MCM9: variants seen among roughly 807,000 people sequenced by gnomAD.
The protein encoded by MCM9 is minichromosome maintenance 9 homologous recombination repair factor, also known as DNA helicase MCM9.
Under a neutral mutation model 72.8 loss-of-function variants are expected in MCM9, and 55 were observed. That is an observed-to-expected ratio of 0.76 (90% CI 0.61 to 0.95). The LOEUF (loss-of-function observed/expected upper bound fraction) is 0.95, where lower values mean the gene tolerates loss of function less well. MCM9 is among the 40% of genes least tolerant of loss of function. MCM9 has a pLI of 0.00. For missense variants in MCM9, 1,279 were observed against 1,377.0 expected, an observed-to-expected ratio of 0.93 and a Z score of 1.13; for synonymous variants, 480 against 503.4, an observed-to-expected ratio of 0.95 and a Z score of 0.62.
At chr6:118,827,596 A>T (rs1053789491) in intron 11 of MCM9, among the ~76,000 whole-genome samples, 7 of 152,166 alleles carry the variant, frequency 4.6e-5, no homozygotes, top group Non-Finnish European at 7.4e-5. Context: ...TCCAAACAAG[A>T]AACTGTCCTA....
At chr6:118,854,235 C>T (rs978614396) in intron 9 of MCM9, among the ~76,000 whole-genome samples, 4 of 152,128 alleles carry the variant, frequency 2.6e-5, no homozygotes, top group South Asian at 2.1e-4. Context: ...ACTAAACTGA[C>T]CATACTTCTA....
intron 13 of MCM9, among the ~76,000 whole-genome samples, chr6:118,822,671 C>A (rs955665541): frequency 1.8e-4 from 28 of 152,198 alleles, no homozygotes; most frequent in African/African-American, 6.5e-4. Context: ...GGATCAGCTG[C>A]TCTCTTCAGA....
At chr6:118,856,689 G>A (rs1176687123) in intron 8 of MCM9, 144 bp from the exon 9 acceptor site, 3 of 822,914 alleles carry the variant, frequency 3.6e-6, no homozygotes, top group African/African-American at 1.7e-5. Context: ...GGCCTGCCTG[G>A]ACAACATGGC....
intron 8 of MCM9, among the ~76,000 whole-genome samples, chr6:118,873,443 G>A (rs1175672759): frequency 6.6e-6 from 1 of 152,056 alleles, no homozygotes; most frequent in Non-Finnish European, 1.5e-5. Flanking sequence ...TATTAGAAAT[G>A]AAAGAACCTC....
At chr6:118,857,426 T>C (rs1165442724) in intron 8 of MCM9, among the ~76,000 whole-genome samples, 3 of 152,054 alleles carry the variant, frequency 2.0e-5, no homozygotes, top group Non-Finnish European at 4.4e-5. Flanking sequence ...ATTCTAGCTG[T>C]TGAATTATAG....
rs1491542240 is a variant in MCM9, at chr6:118,843,655, T to TATATACACACGTATATATATATATATAC, written c.1325+12715_1325+12716insGTATATATATATATATACGTGTGTATAT. ...ACAAAACAAAACATATATATATATATGTGTATATATATATGTATGTATATA... is the reference window on the plus strand; with the variant it reads ...ACAAAACAAAACATATATATATATATATATACACACGTATATATATATATATACGTGTATATATATATGTATGTATATA... On this transcript the variant is annotated intron_variant, in intron 9 of 13. Coordinates refer to ENST00000619706, the MANE Select transcript of MCM9 (RefSeq NM_017696.3). Among the ~76,000 whole-genome samples, 7 of 38,614 alleles carry TATATACACACGTATATATATATATATAC rather than the reference T, an allele frequency of 1.8e-4. 1 individual carries two copies. The highest frequency in any genetic ancestry group is 7.8e-4 in the Admixed American group (2 of 2,560). 25.3% of individuals were successfully genotyped at this position (38,614 alleles called of 152,430 possible). A position where few individuals can be genotyped will look rare whatever the true frequency, so the allele number is the denominator to read the frequency against.
At chr6:118,907,280 C>T in intron 8 of MCM9, 1 of 652,846 alleles carries the variant, frequency 1.5e-6, no homozygotes, top group Non-Finnish European at 2.7e-6. Context: ...TGAATTATAC[C>T]TTTGTATATG....
intron 8 of MCM9, among the ~76,000 whole-genome samples, chr6:118,857,774 T>C (rs1776656617): frequency 6.6e-6 from 1 of 151,798 alleles, no homozygotes; most frequent in Non-Finnish European, 1.5e-5. Flanking sequence ...CTTAACAAAA[T>C]AGTCAAATTT....
chr6:118,865,720 T>C (rs1777176127), intron 8 of MCM9, among the ~76,000 whole-genome samples: 1 of 152,172 alleles, frequency 6.6e-6, no homozygotes, highest in Non-Finnish European at 1.5e-5. Flanking sequence ...TCCCCCATTC[T>C]ACGTGAAAAA....
intron 9 of MCM9, among the ~76,000 whole-genome samples, chr6:118,835,111 T>C (rs1401375955): frequency 1.3e-5 from 2 of 152,226 alleles, no homozygotes; most frequent in African/African-American, 4.8e-5. Context: ...GAGGAATAAT[T>C]TCCCCATTGC....
rs1774201444 is a variant in MCM9, at chr6:118,826,840, T to TC, written c.1756dup (p.Asp586GlyfsTer37). 6.5e-7 allele frequency: 1 copy of TC among 1,550,244 alleles called. No homozygotes were observed. The highest frequency in any genetic ancestry group is 8.7e-7 in the Non-Finnish European group (1 of 1,146,926). On this transcript the variant is annotated frameshift_variant, in exon 12 of 14. Transcript: ENST00000619706. LOFTEE classifies it high-confidence loss of function. ...AATAGCGTCTTCCAGAGTTACAGTA[T>TC]CACGAAACATCAGGCGAGCATGAGC... is the stretch of plus-strand genomic sequence containing the variant.
At position 118,931,435 on chromosome 6, in the gene MCM9, G is replaced by T; in HGVS notation, c.289C>A (p.His97Asn). The T allele has an allele frequency of 6.2e-7, 1 of 1,610,132 alleles. No individual in the cohort carries two copies. Among genetic ancestry groups the T allele is most frequent in the Middle Eastern group, 1.7e-4 (1 of 6,042 alleles). Reference protein sequence around the residue: ...PEAVSMKQNLHARISGLPVCP... With the variant: ...PEAVSMKQNLNARISGLPVCP... ...AGTGATTTACCTGATATCCTGGCAT[G>T]AAGATTCTGTTTCATGGAAACAGCC... Residue 97 changes from histidine (H) to asparagine (N), a missense_variant, in exon 3 of 14, where the codon CAT (histidine) becomes AAT (asparagine). Physicochemically the swap from His to Asn is moderately conservative, Grantham distance 68. Transcript: ENST00000619706.
chr6:118,922,357 A>G (rs557866118), intron 4 of MCM9, among the ~76,000 whole-genome samples: 1 of 152,184 alleles, frequency 6.6e-6, no homozygotes, highest in Admixed American at 6.5e-5. Flanking sequence ...CCAACTACTA[A>G]ATTTAATAAC....
chr6:118,896,207 A>G (rs1047330428), intron 8 of MCM9, among the ~76,000 whole-genome samples: 10 of 152,106 alleles, frequency 6.6e-5, no homozygotes, highest in African/African-American at 9.7e-5. Context: ...CTCCTATGAT[A>G]CTACTATTAA....
At chr6:118,826,633 A>G in intron 12 of MCM9, 149 bp downstream of exon 12, 1 of 653,344 alleles carries the variant, frequency 1.5e-6, no homozygotes, top group Admixed American at 3.2e-5. Flanking sequence ...CTCTTCATTT[A>G]ATCGGTTACC....
At chr6:118,883,093 T>C (rs543257281) in intron 8 of MCM9, among the ~76,000 whole-genome samples, 1 of 132,642 alleles carries the variant, frequency 7.5e-6, no homozygotes, top group South Asian at 2.3e-4. Flanking sequence ...AAAAAAGGGA[T>C]GATGACAATG....
At chr6:118,819,527 T>G (rs558368935) in intron 13 of MCM9, among the ~76,000 whole-genome samples, 35 of 152,340 alleles carry the variant, frequency 2.3e-4, no homozygotes, top group African/African-American at 7.7e-4. Flanking sequence ...TTTGCCAGTA[T>G]TTTATTGAGG....
chr6:118,916,570 T>C (rs928542426), intron 6 of MCM9, among the ~76,000 whole-genome samples: 9 of 151,662 alleles, frequency 5.9e-5, no homozygotes, highest in African/African-American at 1.9e-4. Context: ...GTGATTCTCC[T>C]GTCTCACCCT....
chr6:118,870,589 T>C (rs1777537830), intron 8 of MCM9, among the ~76,000 whole-genome samples: 1 of 151,822 alleles, frequency 6.6e-6, no homozygotes, highest in Non-Finnish European at 1.5e-5. Flanking sequence ...AGAAAAAGAA[T>C]AATAACCCGA....
Sources: gnomAD v4.1 joint callset for allele counts (sites outside exome capture counted in the v4.1 genomes callset) on GRCh38, gnomAD v4.1.1 for gene constraint, MANE v1.5 for transcripts, NCBI Gene and HGNC (gene_info 2026-07-23, HGNC 2026-07-21) for gene names.